Variants in SUGCT observed in about 807,000 individuals in gnomAD.
SUGCT encodes the protein succinyl-CoA:glutarate-CoA transferase.
In SUGCT, 41 loss-of-function variants were observed where a neutral mutation model predicts 55.0. That is an observed-to-expected ratio of 0.74 (90% confidence interval 0.58 to 0.97). The LOEUF is 0.97. Ranked by LOEUF, SUGCT falls within the 50% of genes least tolerant of loss-of-function variation. The pLI, the probability that SUGCT is intolerant of heterozygous loss-of-function variation, is 0.00. For synonymous variants in SUGCT, 187 were observed against 200.4 expected, an observed-to-expected ratio of 0.93 and a Z score of 0.56; for missense variants, 568 against 547.8, an observed-to-expected ratio of 1.04 and a Z score of -0.37.
At chr7:40,297,553 A>G (rs759478976) in intron 8 of SUGCT, among the ~76,000 whole-genome samples, 3 of 151,976 alleles carry the variant, frequency 2.0e-5, no homozygotes, top group Non-Finnish European at 2.9e-5. Flanking sequence ...GAGGAAAAGT[A>G]CTCCAGTGCA....
intron 6 of SUGCT, among the ~76,000 whole-genome samples, chr7:40,235,248 G>T (rs556188704): frequency 6.6e-6 from 1 of 152,168 alleles, no homozygotes; most frequent in East Asian, 1.9e-4. Context: ...GAATGCATCT[G>T]GGTAGATTAA....
In SUGCT at chr7:40,860,405, G is replaced by T; in HGVS notation, c.1243G>T (p.Val415Phe). 2 of 1,613,954 alleles carry T rather than the reference G, an allele frequency of 1.2e-6. No individual in the cohort carries two copies. Among genetic ancestry groups the T allele is most frequent in the Non-Finnish European group, 1.7e-6 (2 of 1,179,836 alleles). Residue 415 changes from valine (V) to phenylalanine (F), a missense_variant, in exon 14 of 14, where the codon GTC becomes TTC. Transcript: ENST00000335693. ...GCACACAACGCACATCCTGAAGGAG[G>T]TCCTGAGATACGATGACAGGGCCAT... The part of the protein sequence containing the change: ...GQHTTHILKE[V>F]LRYDDRAIGE...
At chr7:40,914,508 A>C in the SUGCT span, among the ~76,000 whole-genome samples, 8 of 152,202 alleles carry the variant, frequency 5.3e-5, no homozygotes, top group African/African-American at 1.9e-4. Context: ...GATACCTCAG[A>C]TTTAAAAACT....
At chr7:40,899,007 C>T in the SUGCT span, among the ~76,000 whole-genome samples, 1 of 152,110 alleles carries the variant, frequency 6.6e-6, no homozygotes, top group South Asian at 2.1e-4. Flanking sequence ...ACAGCCACGT[C>T]CGGCTCTTAG....
At chr7:40,607,422 GT>G (rs1798582027) in intron 12 of SUGCT, among the ~76,000 whole-genome samples, 1 of 152,044 alleles carries the variant, frequency 6.6e-6, no homozygotes, top group African/African-American at 2.4e-5. Context: ...AATTTACCTT[GT>G]GACATTGAAG....
intron 12 of SUGCT, among the ~76,000 whole-genome samples, chr7:40,649,540 A>C (rs1800676369): frequency 6.6e-6 from 1 of 152,198 alleles, no homozygotes; most frequent in African/African-American, 2.4e-5. Flanking sequence ...TTAATTATTT[A>C]GGATATTTTC....
In SUGCT at chr7:40,571,174, T is replaced by C. The variant is rs146871092; in HGVS notation, c.1089+74788T>C. On this transcript the variant is annotated intron_variant, in intron 12 of 13. Coordinates refer to ENST00000335693, the MANE Select transcript of SUGCT (RefSeq NM_001193313.2). ...AAGATCTTTAAAACATATTGCATTG[T>C]ATTATGCTTTGCATAGCTAAGCTTG... is the stretch of plus-strand genomic sequence containing the variant. Among the ~76,000 whole-genome samples, 223 of 152,346 alleles carry C rather than the reference T, an allele frequency of 1.5e-3. 1 individual carries two copies. The highest frequency in any genetic ancestry group is 5.1e-3 in the African/African-American group (214 of 41,584).
chr7:40,561,336 C>A (rs1174769341), intron 12 of SUGCT, among the ~76,000 whole-genome samples: 1 of 152,182 alleles, frequency 6.6e-6, no homozygotes, highest in Non-Finnish European at 1.5e-5. Context: ...CTAAAATCTC[C>A]TTCAGTTCTC....
the SUGCT span, among the ~76,000 whole-genome samples, chr7:40,873,968 CA>C: frequency 6.6e-6 from 1 of 152,204 alleles, no homozygotes; most frequent in Non-Finnish European, 1.5e-5. Flanking sequence ...AAACAAGACT[CA>C]TATCAGCAGA....
At chr7:40,894,879 C>T in the SUGCT span, among the ~76,000 whole-genome samples, 32 of 152,206 alleles carry the variant, frequency 2.1e-4, no homozygotes, top group African/African-American at 6.3e-4. Context: ...TAAATTAGTT[C>T]GGCCACGTAG....
the SUGCT span, among the ~76,000 whole-genome samples, chr7:40,962,136 C>T: frequency 6.6e-6 from 1 of 152,250 alleles, no homozygotes; most frequent in East Asian, 1.9e-4. Flanking sequence ...TCCATTTTTA[C>T]AGAGTGCTGA....
At chr7:40,398,771 A>C (rs1785896832) in intron 9 of SUGCT, among the ~76,000 whole-genome samples, 1 of 152,082 alleles carries the variant, frequency 6.6e-6, no homozygotes. Context: ...TTTATTTAGC[A>C]TGATTTTGGA....
intron 12 of SUGCT, among the ~76,000 whole-genome samples, chr7:40,526,370 G>A (rs1490248506): frequency 1.3e-5 from 2 of 152,086 alleles, no homozygotes; most frequent in African/African-American, 4.8e-5. Context: ...TCACCATCAG[G>A]ATTCACAGTT....
At chr7:40,749,866 C>T (rs888966292) in intron 13 of SUGCT, among the ~76,000 whole-genome samples, 1 of 152,120 alleles carries the variant, frequency 6.6e-6, no homozygotes, top group Non-Finnish European at 1.5e-5. Context: ...GAAAGAAAGC[C>T]AGGCAAGATG....
intron 1 of SUGCT, among the ~76,000 whole-genome samples, chr7:40,169,755 C>A (rs1481268836): frequency 1.3e-5 from 2 of 150,260 alleles, no homozygotes; most frequent in African/African-American, 4.9e-5. Flanking sequence ...TTTTTTTTAT[C>A]CCATTTGTCC....
chr7:41,019,924 T>C, the SUGCT span, among the ~76,000 whole-genome samples: 15 of 152,330 alleles, frequency 9.8e-5, no homozygotes, highest in Non-Finnish European at 1.6e-4. Context: ...ATGAGGTACC[T>C]CCCCATGAAA....
At chr7:40,969,455 G>C in the SUGCT span, among the ~76,000 whole-genome samples, 1 of 152,154 alleles carries the variant, frequency 6.6e-6, no homozygotes, top group Non-Finnish European at 1.5e-5. Context: ...CAACCTCCCA[G>C]ACTCAAGGGA....
At chr7:40,990,143 A>G in the SUGCT span, among the ~76,000 whole-genome samples, 1,353 of 152,346 alleles carry the variant, frequency 8.9e-3, 21 homozygotes, top group African/African-American at 0.03. Context: ...CTTCTTAAAT[A>G]ACAAGACTTG....
chr7:40,964,868 C>T, the SUGCT span: 1 of 152,148 alleles, frequency 6.6e-6, no homozygotes, highest in Non-Finnish European at 1.5e-5. Flanking sequence ...ACATATCAGC[C>T]TTCAACTACC....
Sources: gnomAD v4.1 joint callset for allele counts (sites outside exome capture counted in the v4.1 genomes callset) on GRCh38, gnomAD v4.1.1 for gene constraint, MANE v1.5 for transcripts, NCBI Gene and HGNC (gene_info 2026-07-23, HGNC 2026-07-21) for gene names.